The following SPAST variants were observed in gnomAD, a reference collection of about 807,000 sequenced individuals.
SPAST encodes spastin, also known as spastic paraplegia 4 (autosomal dominant; spastin).
Under a neutral mutation model 76.6 loss-of-function variants are expected in SPAST, and 30 were observed. That is an observed-to-expected ratio of 0.39 (90% CI 0.29 to 0.53). The LOEUF is 0.53. Among genes scored for constraint, SPAST ranks in the 20% least tolerant of loss-of-function variants. The pLI, the probability that SPAST is intolerant of heterozygous loss-of-function variation, is 0.68. For missense variants in SPAST, 717 were observed against 770.5 expected (o/e 0.93, Z 0.82); for synonymous variants, 305 against 281.0 (o/e 1.09, Z -0.86).
intron 4 of SPAST, among the ~76,000 whole-genome samples, chr2:32,101,009 A>G (rs1678098538): frequency 6.6e-6 from 1 of 152,146 alleles, no homozygotes; most frequent in Admixed American, 6.5e-5. Flanking sequence ...TGGTATTTCT[A>G]GTTCTAGATC....
In SPAST at chr2:32,150,413, TATTTAATTTA is replaced by T. The variant is rs538053886; in HGVS notation, c.1728+3171_1728+3180del. Reference sequence around the variant, plus strand: ...GCTGAAAGCTTTTAGTTTTCTAACTTATTTAATTTAATTTAATTTAATTTATTTTTATTTT... The same window carrying T: ...GCTGAAAGCTTTTAGTTTTCTAACTTATTTAATTTAATTTATTTTTATTTT... On this transcript the variant is annotated intron_variant, in intron 16 of 16. Coordinates refer to ENST00000315285, the MANE Select transcript of SPAST (RefSeq NM_014946.4). Among the ~76,000 whole-genome samples the T allele has an allele frequency of 5.3e-5, 8 of 151,340 alleles. No individual in the cohort carries two copies. The East Asian group carries it at 1.4e-3, about 26-fold the overall frequency.
chr2:32,156,040 GT>G lies in SPAST; in HGVS notation c.*1559del, dbSNP rs1204661213. 1.5e-3 allele frequency: 223 copies of G among 146,622 alleles called. 1 individual carries two copies. The highest frequency in any genetic ancestry group is 4.1e-3 in the African/African-American group (164 of 39,694). The allele number at this position is 146,622 out of a possible 1,614,324, so 9.1% of individuals were successfully genotyped here. A position where few individuals can be genotyped will look rare whatever the true frequency, so the allele number is the denominator to read the frequency against. ...AATATAGAAGATGCATGATTTCTGG[GT>G]TTTTTTTTTTTTTTGAGACAGAGTT... On this transcript the variant is annotated 3_prime_UTR_variant, in exon 17 of 17. Transcript: ENST00000315285.
chr2:32,104,079 G>A (rs1252625713), intron 4 of SPAST, among the ~76,000 whole-genome samples: 8 of 152,160 alleles, frequency 5.3e-5, no homozygotes, highest in Admixed American at 2.6e-4. Flanking sequence ...ATTATTGTGT[G>A]GGAGTCTAAG....
chr2:32,084,450 C>T (rs1368550480), intron 1 of SPAST, among the ~76,000 whole-genome samples: 3 of 152,036 alleles, frequency 2.0e-5, no homozygotes, highest in Admixed American at 1.3e-4. Flanking sequence ...AGGCATGAGC[C>T]ACCGCCCCTG....
At chr2:32,069,642 C>T (rs1027400663) in intron 1 of SPAST, among the ~76,000 whole-genome samples, 3 of 151,674 alleles carry the variant, frequency 2.0e-5, no homozygotes, top group South Asian at 2.1e-4. Flanking sequence ...CTGCAAGCCC[C>T]GCCTCCCACG....
chr2:32,136,077 CAA>C (rs984498838), intron 9 of SPAST, among the ~76,000 whole-genome samples: 1 of 88,924 alleles, frequency 1.1e-5, no homozygotes, highest in Non-Finnish European at 2.3e-5. Context: ...AACTCTGTCT[CAA>C]AAAAAAAAAG....
chr2:32,067,698 G>A (rs1676577987), intron 1 of SPAST, among the ~76,000 whole-genome samples: 1 of 150,200 alleles, frequency 6.7e-6, no homozygotes, highest in Admixed American at 6.6e-5. Flanking sequence ...CCAAGCTGGA[G>A]TGGAATGTGA....
At chr2:32,125,833 C>T (rs932654767) in intron 7 of SPAST, among the ~76,000 whole-genome samples, 3 of 151,934 alleles carry the variant, frequency 2.0e-5, no homozygotes, top group Non-Finnish European at 4.4e-5. Context: ...TTTGCTCTGT[C>T]GCCCGGGTTG....
chr2:32,066,834 C>T (rs13017027), intron 1 of SPAST, among the ~76,000 whole-genome samples: 31,001 of 151,764 alleles, frequency 0.2, 3,926 homozygotes, highest in East Asian at 0.45. Context: ...ATTAGCTAGG[C>T]GCAGTGGCAA....
chr2:32,147,995 C>T (rs1053571421), intron 16 of SPAST, among the ~76,000 whole-genome samples: 1 of 142,570 alleles, frequency 7.0e-6, no homozygotes, highest in Admixed American at 7.4e-5. Flanking sequence ...TGCAGTGGTG[C>T]AATCGTGGCT....
chr2:32,108,636 A>C (rs1029011242), intron 4 of SPAST, among the ~76,000 whole-genome samples: 1 of 151,424 alleles, frequency 6.6e-6, no homozygotes, highest in African/African-American at 2.4e-5. Flanking sequence ...TTTTTTGTAG[A>C]GATGGGGTTT....
chr2:32,064,271 GCGGCGGCGCCGGGAAGAAGGC>G, intron 1 of SPAST, 25 bp downstream of exon 1: 1 of 1,509,250 alleles, frequency 6.6e-7, no homozygotes, highest in Non-Finnish European at 9.0e-7. Context: ...GGGGGAGGGG[GCGGCGGCGCCGGGAAGAAGGC>G]GGTGGGGTCG....
intron 16 of SPAST, among the ~76,000 whole-genome samples, chr2:32,153,558 C>T (rs1680157898): frequency 6.6e-6 from 1 of 151,926 alleles, no homozygotes; most frequent in Non-Finnish European, 1.5e-5. Context: ...TCAGGTGATC[C>T]ACCCGCCTTG....
intron 12 of SPAST, among the ~76,000 whole-genome samples, chr2:32,140,191 C>T (rs1558338735): frequency 6.6e-6 from 1 of 152,096 alleles, no homozygotes. Flanking sequence ...GCCTTTATTT[C>T]TTACTGGGTT....
intron 16 of SPAST, among the ~76,000 whole-genome samples, chr2:32,154,007 G>A (rs147870850): frequency 2.0e-5 from 3 of 152,136 alleles, no homozygotes; most frequent in Admixed American, 6.5e-5. Flanking sequence ...AACCTTGGAG[G>A]GGGAGGTTGC....
intron 1 of SPAST, among the ~76,000 whole-genome samples, chr2:32,076,602 C>T (rs1363328193): frequency 6.6e-6 from 1 of 152,076 alleles, no homozygotes; most frequent in Non-Finnish European, 1.5e-5. Context: ...ATTAGTAATT[C>T]ATCCCTGAAT....
chr2:32,086,491 G>A (rs1447455813), intron 1 of SPAST, among the ~76,000 whole-genome samples: 3 of 151,576 alleles, frequency 2.0e-5, no homozygotes, highest in Non-Finnish European at 4.4e-5. Flanking sequence ...GGCCGGGCGC[G>A]GTGGCTCACC....
intron 4 of SPAST, among the ~76,000 whole-genome samples, chr2:32,108,721 G>GA (rs1241339059): frequency 7.0e-6 from 1 of 142,606 alleles, no homozygotes; most frequent in Non-Finnish European, 1.5e-5. Flanking sequence ...AGAGTGTTGG[G>GA]ATTATAGGTG....
intron 14 of SPAST, 142 bp from the exon 15 acceptor site, chr2:32,144,795 A>C: frequency 3.0e-6 from 2 of 661,368 alleles, no homozygotes; most frequent in Admixed American, 2.1e-5. Context: ...AGGCTGAGGT[A>C]GGAGAATCGC....
Sources: gnomAD v4.1 joint callset for allele counts (sites outside exome capture counted in the v4.1 genomes callset) on GRCh38, gnomAD v4.1.1 for gene constraint, MANE v1.5 for transcripts, NCBI Gene and HGNC (gene_info 2026-07-23, HGNC 2026-07-21) for gene names.